TTC29: variants seen among roughly 807,000 people sequenced by gnomAD.
The protein encoded by TTC29 is tetratricopeptide repeat domain 29.
A neutral mutation model predicts 58.1 loss-of-function variants in TTC29; 49 were observed. That is an observed-to-expected ratio of 0.84 (90% confidence interval 0.67 to 1.07). The LOEUF (loss-of-function observed/expected upper bound fraction) is 1.07. Ranked by LOEUF, TTC29 falls within the 50% of genes least tolerant of loss-of-function variation. The probability of loss-of-function intolerance (pLI) is 0.00; values close to 1 mark genes in which losing one functional copy is unlikely to be tolerated. For synonymous variants in TTC29, 209 were observed against 196.8 expected, an observed-to-expected ratio of 1.06 and a Z score of -0.52; for missense variants, 582 against 555.6, an observed-to-expected ratio of 1.05 and a Z score of -0.48.
intron 11 of TTC29, among the ~76,000 whole-genome samples, chr4:146,711,228 G>T (rs1742470672): frequency 6.6e-6 from 1 of 152,092 alleles, no homozygotes; most frequent in Non-Finnish European, 1.5e-5. Context: ...TGAATATACA[G>T]TAGTCATTAC....
At chr4:146,914,566 G>GA (rs1003458535) in intron 4 of TTC29, among the ~76,000 whole-genome samples, 1 of 152,024 alleles carries the variant, frequency 6.6e-6, no homozygotes, top group East Asian at 1.9e-4. Context: ...CATCTGACAG[G>GA]AAAAAAACGT....
intron 11 of TTC29, among the ~76,000 whole-genome samples, chr4:146,730,932 G>C (rs1424955287): frequency 6.6e-6 from 1 of 152,086 alleles, no homozygotes; most frequent in African/African-American, 2.4e-5. Flanking sequence ...AATAGTAATT[G>C]GTAGAGATTG....
intron 8 of TTC29, among the ~76,000 whole-genome samples, chr4:146,859,641 C>T (rs1446359936): frequency 1.3e-5 from 2 of 151,762 alleles, no homozygotes; most frequent in African/African-American, 4.8e-5. Flanking sequence ...CTGAAAGAGT[C>T]AAGATTTATT....
intron 11 of TTC29, among the ~76,000 whole-genome samples, chr4:146,750,105 T>C (rs1160850908): frequency 6.6e-6 from 1 of 152,134 alleles, no homozygotes; most frequent in African/African-American, 2.4e-5. Context: ...CCTCCTGGGT[T>C]CACGCCATTC....
chr4:146,820,024 T>C (rs1751706552), intron 10 of TTC29, 101 bp downstream of exon 10: 5 of 1,478,896 alleles, frequency 3.4e-6, no homozygotes, highest in Admixed American at 1.8e-5. Context: ...GCATAATATA[T>C]TGTGGGAAGA....
intron 11 of TTC29, among the ~76,000 whole-genome samples, chr4:146,718,925 TA>T (rs1743150117): frequency 1.3e-5 from 2 of 152,188 alleles, no homozygotes; most frequent in Non-Finnish European, 2.9e-5. Flanking sequence ...TGCATACGGA[TA>T]TCCAGTTTTC....
chr4:146,760,414 C>A (rs1385588495), intron 11 of TTC29, among the ~76,000 whole-genome samples: 1 of 151,820 alleles, frequency 6.6e-6, no homozygotes, highest in African/African-American at 2.4e-5. Flanking sequence ...CACCATCATT[C>A]TTCACAAAAT....
At chr4:146,902,801 T>C (rs901640754) in intron 6 of TTC29, among the ~76,000 whole-genome samples, 3 of 152,206 alleles carry the variant, frequency 2.0e-5, no homozygotes, top group African/African-American at 7.2e-5. Flanking sequence ...ACTTTCAAAG[T>C]CCTATGCAGT....
intron 11 of TTC29, among the ~76,000 whole-genome samples, chr4:146,754,646 A>G (rs947015222): frequency 2.6e-5 from 4 of 152,220 alleles, no homozygotes; most frequent in Admixed American, 2.6e-4. Flanking sequence ...GATACATCAC[A>G]TTAACAGAAT....
At chr4:146,756,204 C>G (rs1319345958) in intron 11 of TTC29, among the ~76,000 whole-genome samples, 1 of 146,792 alleles carries the variant, frequency 6.8e-6, no homozygotes, top group Non-Finnish European at 1.5e-5. Context: ...ACTCGGGAGG[C>G]AGAGCTTGCA....
At chr4:146,783,805 T>C (rs966087680) in intron 11 of TTC29, among the ~76,000 whole-genome samples, 58 of 152,064 alleles carry the variant, frequency 3.8e-4, no homozygotes, top group Non-Finnish European at 1.0e-4. Context: ...AACAGTACCA[T>C]TTTTTAAGGA....
chr4:146,874,137 A>T (rs549182078), intron 7 of TTC29, among the ~76,000 whole-genome samples: 8 of 152,298 alleles, frequency 5.3e-5, no homozygotes, highest in Middle Eastern at 3.4e-3. Flanking sequence ...GTGCATATAC[A>T]TCACCTGGGT....
intron 11 of TTC29, among the ~76,000 whole-genome samples, chr4:146,728,772 C>CACATATATATGTGTATATAT (rs1744005194): frequency 8.0e-6 from 1 of 124,486 alleles, no homozygotes; most frequent in Non-Finnish European, 1.7e-5. Context: ...CATATATATA[C>CACATATATATGTGTATATAT]ACATATATAT....
At chr4:146,912,235 T>G (rs1454811005) in intron 4 of TTC29, among the ~76,000 whole-genome samples, 1 of 152,206 alleles carries the variant, frequency 6.6e-6, no homozygotes, top group Non-Finnish European at 1.5e-5. Context: ...TTGTTCCAGG[T>G]CAAGATCTGA....
chr4:146,751,644 A>T (rs1746005350), intron 11 of TTC29, among the ~76,000 whole-genome samples: 2 of 152,222 alleles, frequency 1.3e-5, no homozygotes, highest in South Asian at 2.1e-4. Flanking sequence ...TACGCCAAAA[A>T]CAGACAAATG....
intron 11 of TTC29, among the ~76,000 whole-genome samples, chr4:146,786,623 T>A (rs188677077): frequency 3.5e-4 from 54 of 152,328 alleles, no homozygotes; most frequent in Non-Finnish European, 4.4e-5. Flanking sequence ...CTTTCCTAGT[T>A]ATTTTTACAT....
intron 11 of TTC29, among the ~76,000 whole-genome samples, chr4:146,761,379 A>G (rs914480335): frequency 6.6e-6 from 1 of 151,956 alleles, no homozygotes; most frequent in African/African-American, 2.4e-5. Context: ...ATTAAAGAAC[A>G]CAAGGGCATA....
At chr4:146,798,034 C>T (rs1446304428) in intron 11 of TTC29, among the ~76,000 whole-genome samples, 2 of 151,780 alleles carry the variant, frequency 1.3e-5, no homozygotes, top group Non-Finnish European at 2.9e-5. Context: ...GTTCACTAAC[C>T]TTTTCCTTTG....
chr4:146,879,933 C>T (rs958702668), intron 6 of TTC29, among the ~76,000 whole-genome samples: 31 of 152,154 alleles, frequency 2.0e-4, no homozygotes, highest in African/African-American at 7.0e-4. Flanking sequence ...CACCAGGAAT[C>T]ACCCACAAAT....
Sources: allele counts gnomAD v4.1 joint callset (sites outside exome capture counted in the v4.1 genomes callset), GRCh38; gene constraint gnomAD v4.1.1; transcripts MANE v1.5; gene names NCBI Gene and HGNC (gene_info 2026-07-23, HGNC 2026-07-21).